Variants in PARP15 observed in about 807,000 individuals in gnomAD.
The protein encoded by PARP15 is poly(ADP-ribose) polymerase family member 15.
In PARP15, 50 loss-of-function variants were observed where a neutral mutation model predicts 62.1. The observed-to-expected ratio is 0.81, with a 90% confidence interval of 0.64 to 1.02. PARP15 has a LOEUF of 1.02. PARP15 is among the 50% of genes least tolerant of loss of function. The pLI, the probability that PARP15 is intolerant of heterozygous loss-of-function variation, is 0.00. For missense variants in PARP15, 820 were observed against 826.5 expected, an observed-to-expected ratio of 0.99 and a Z score of 0.10; for synonymous variants, 309 against 293.1, an observed-to-expected ratio of 1.05 and a Z score of -0.55.
intron 11 of PARP15, 91 bp from the exon 12 acceptor site, chr3:122,635,720 C>A: frequency 7.0e-7 from 1 of 1,427,232 alleles, no homozygotes; most frequent in Non-Finnish European, 9.4e-7. Context: ...GCTAAAACTG[C>A]ATTTAGAAAA....
At chr3:122,579,302 A>G (rs1222156677) in intron 1 of PARP15, among the ~76,000 whole-genome samples, 1 of 152,066 alleles carries the variant, frequency 6.6e-6, no homozygotes, top group Non-Finnish European at 1.5e-5. Flanking sequence ...TATGTTGTCT[A>G]TTTACGTGTA....
rs200986074 is a variant in PARP15, at chr3:122,626,967, G to A, written c.1372G>A (p.Asp458Asn). ...FQPELLNIFYDSMKKRDLSAS... is the reference protein window; with the variant it reads ...FQPELLNIFYNSMKKRDLSAS... ...ACCTGAGCTGCTAAATATATTCTAC[G>A]ACAGCATGAAAAAAAGAGACCTCTC... The change falls in exon 9 of 12, where the codon GAC becomes AAC. Residue 458 changes from aspartate (D) to asparagine (N), a missense_variant. Asp to Asn is a conservative substitution (Grantham distance 23). Coordinates refer to ENST00000464300, the MANE Select transcript of PARP15 (RefSeq NM_001113523.3). 6.4e-5 allele frequency: 104 copies of A among 1,613,366 alleles called. 1 individual carries two copies. In the East Asian group the frequency reaches 2.2e-3, roughly 34 times the overall value.
intron 11 of PARP15, 116 bp from the exon 12 acceptor site, chr3:122,635,695 G>A: frequency 8.4e-7 from 1 of 1,184,948 alleles, no homozygotes; most frequent in Non-Finnish European, 1.2e-6. Context: ...TTACAGGCAT[G>A]AGCCAACACA....
At chr3:122,594,538 T>G in intron 1 of PARP15, 1 of 982,964 alleles carries the variant, frequency 1.0e-6, no homozygotes, top group Non-Finnish European at 1.2e-6. Flanking sequence ...AAGATTGCTG[T>G]GTATTCAGGG....
At chr3:122,635,333 G>T in intron 11 of PARP15, 139 bp downstream of exon 11, 1 of 696,260 alleles carries the variant, frequency 1.4e-6, no homozygotes. Flanking sequence ...CACTGTAAAG[G>T]AGACTGGCAA....
chr3:122,617,126 T>C lies in PARP15; in HGVS notation c.962T>C (p.Ile321Thr). 2 of 1,613,904 alleles carry C rather than the reference T, an allele frequency of 1.2e-6. No homozygotes were observed. Among genetic ancestry groups the C allele is most frequent in the Non-Finnish European group, 8.5e-7 (1 of 1,179,824 alleles). Residue 321 changes from isoleucine to threonine, a missense_variant, in exon 6 of 12, where the codon ATT becomes ACT. Transcript: ENST00000464300. ...ATAGCCACTGAACAGGTAGATGTTA[T>C]TGTAAACTCAACAGCAAGGACATTT... ...GDIATEQVDV[I>T]VNSTARTFNR... is the part of the protein sequence containing the mutation.
At chr3:122,590,291 G>A (rs571785376) in intron 1 of PARP15, among the ~76,000 whole-genome samples, 2 of 151,436 alleles carry the variant, frequency 1.3e-5, no homozygotes, top group East Asian at 3.9e-4. Context: ...TATATATTTT[G>A]AGATGGGGTC....
chr3:122,592,157 A>C (rs1933976848), intron 1 of PARP15, among the ~76,000 whole-genome samples: 1 of 152,230 alleles, frequency 6.6e-6, no homozygotes, highest in Non-Finnish European at 1.5e-5. Context: ...TCATTACAGC[A>C]CTTTTCACAA....
chr3:122,608,213 C>CTTTTTTTTTTTTTT (rs71136576), intron 2 of PARP15, among the ~76,000 whole-genome samples: 7 of 113,912 alleles, frequency 6.1e-5, no homozygotes, highest in Non-Finnish European at 7.2e-5. Flanking sequence ...TTTCTCTTTT[C>CTTTTTTTTTTTTTT]TTTTTTTTTT....
intron 1 of PARP15, among the ~76,000 whole-genome samples, chr3:122,581,853 CTA>C (rs956917510): frequency 2.6e-5 from 4 of 152,186 alleles, no homozygotes. Context: ...GTCCATTGTT[CTA>C]TATGTCTTCT....
At chr3:122,604,488 C>T (rs760253699) in intron 1 of PARP15, among the ~76,000 whole-genome samples, 14 of 152,004 alleles carry the variant, frequency 9.2e-5, no homozygotes, top group Non-Finnish European at 1.3e-4. Context: ...GAGGCCAAGG[C>T]GGGTGGATCA....
At chr3:122,598,309 T>G (rs900188108) in intron 1 of PARP15, among the ~76,000 whole-genome samples, 18 of 152,340 alleles carry the variant, frequency 1.2e-4, no homozygotes, top group African/African-American at 4.1e-4. Flanking sequence ...ATCTCACACT[T>G]TCTGTGATCA....
intron 9 of PARP15, among the ~76,000 whole-genome samples, chr3:122,630,036 T>C (rs531286472): frequency 2.0e-5 from 3 of 152,326 alleles, no homozygotes; most frequent in East Asian, 3.9e-4. Context: ...GGCCTGGGAT[T>C]TGGGGACCCC....
At chr3:122,600,265 G>A (rs114833149) in intron 1 of PARP15, among the ~76,000 whole-genome samples, 1,666 of 152,042 alleles carry the variant, frequency 0.011, 33 homozygotes, top group African/African-American at 0.038. Context: ...GGAGAAAAAA[G>A]GCAAAAGAGT....
At chr3:122,586,902 A>G (rs766130716) in intron 1 of PARP15, among the ~76,000 whole-genome samples, 1 of 152,188 alleles carries the variant, frequency 6.6e-6, no homozygotes, top group Non-Finnish European at 1.5e-5. Context: ...ATACCATTAC[A>G]GTATCACACA....
chr3:122,607,294 C>T (rs1038366999), intron 2 of PARP15, among the ~76,000 whole-genome samples: 1 of 152,156 alleles, frequency 6.6e-6, no homozygotes, highest in African/African-American at 2.4e-5. Flanking sequence ...ATTTATTTTT[C>T]ACTCTAGTTA....
At chr3:122,599,384 A>G (rs1934610421) in intron 1 of PARP15, among the ~76,000 whole-genome samples, 1 of 152,094 alleles carries the variant, frequency 6.6e-6, no homozygotes, top group Non-Finnish European at 1.5e-5. Context: ...AAAAAAAAAA[A>G]AGAATCCCAA....
chr3:122,616,171 C>T (rs1041718059), intron 5 of PARP15, among the ~76,000 whole-genome samples: 4 of 152,062 alleles, frequency 2.6e-5, no homozygotes, highest in South Asian at 4.1e-4. Context: ...ACAATGGCCC[C>T]GTGGCAGGTG....
At chr3:122,588,677 A>G (rs1199364131) in intron 1 of PARP15, among the ~76,000 whole-genome samples, 3 of 152,172 alleles carry the variant, frequency 2.0e-5, no homozygotes, top group Non-Finnish European at 1.5e-5. Flanking sequence ...AATAAATAAA[A>G]CAAAGAAATT....
Sources: gnomAD v4.1 joint callset for allele counts (sites outside exome capture counted in the v4.1 genomes callset) on GRCh38, gnomAD v4.1.1 for gene constraint, MANE v1.5 for transcripts, NCBI Gene and HGNC (gene_info 2026-07-23, HGNC 2026-07-21) for gene names.